ZNF786: variants seen among roughly 807,000 people sequenced by gnomAD.
The protein encoded by ZNF786 is zinc finger protein 786.
In ZNF786, 56 loss-of-function variants were observed where a neutral mutation model predicts 63.1. The ratio of observed to expected loss-of-function variants is 0.89; its 90% CI spans 0.72 to 1.11. ZNF786 has a LOEUF of 1.11. Ranked by LOEUF, ZNF786 falls within the 50% of genes least tolerant of loss-of-function variation. ZNF786 has a pLI of 0.00. For synonymous variants in ZNF786, 485 were observed against 406.9 expected, an observed-to-expected ratio of 1.19 and a Z score of -2.31; for missense variants, 1,213 against 1,041.8, an observed-to-expected ratio of 1.16 and a Z score of -2.26.
chr7:149,073,769 A>G (rs1365003724), intron 3 of ZNF786, among the ~76,000 whole-genome samples: 4 of 112,820 alleles, frequency 3.5e-5, no homozygotes, highest in Non-Finnish European at 7.2e-5. Context: ...ATATATATAT[A>G]TATATATATA....
intron 2 of ZNF786, among the ~76,000 whole-genome samples, chr7:149,075,924 A>G (rs1825540061): frequency 6.6e-6 from 1 of 151,606 alleles, no homozygotes. Context: ...CAGCCTCCGA[A>G]AGTGCTGGGA....
rs374600734 is a variant in ZNF786 at position 149,072,331 on chromosome 7, C to G, written c.441G>C (p.Arg147Ser). 1.2e-6 allele frequency: 2 copies of G among 1,613,718 alleles called. No individual in the cohort carries two copies. The highest frequency in any genetic ancestry group is 1.7e-6 in the Non-Finnish European group (2 of 1,179,800). Reference protein sequence around the residue: ...TLGSPQRHDARAPPPLACGPS... With the variant: ...TLGSPQRHDASAPPPLACGPS... ...GGCCGCAGGCTAGTGGTGGAGGAGCCCTGGCGTCGTGTCTCTGTGGGCTCC... is the reference window on the plus strand; with the variant it reads ...GGCCGCAGGCTAGTGGTGGAGGAGCGCTGGCGTCGTGTCTCTGTGGGCTCC... The change falls in exon 4 of 4, where the codon AGG becomes AGC. Residue 147 changes from arginine to serine, a missense_variant. Coordinates refer to ENST00000491431, the MANE Select transcript of ZNF786 (RefSeq NM_152411.4).
chr7:149,079,631 C>T (rs1163595740), intron 2 of ZNF786, among the ~76,000 whole-genome samples: 2 of 135,568 alleles, frequency 1.5e-5, no homozygotes, highest in East Asian at 2.3e-4. Flanking sequence ...AGTGCAGTGG[C>T]GTGATCTCAG....
intron 1 of ZNF786, chr7:149,082,403 G>T: frequency 3.5e-6 from 1 of 283,316 alleles, no homozygotes; most frequent in Non-Finnish European, 5.3e-6. Flanking sequence ...GTTTATTACA[G>T]TTGACTTAGA....
chr7:149,070,402 C>T lies in ZNF786; in HGVS notation c.*21G>A, dbSNP rs1225045346. On this transcript the variant is annotated 3_prime_UTR_variant, in exon 4 of 4. Coordinates refer to ENST00000491431, the MANE Select transcript of ZNF786 (RefSeq NM_152411.4). ...TGGGCAATACCAATCCTGCTCAACG[C>T]TTTGGATGTCCCACTCTGCCTCAAC... 8 of 1,607,330 alleles carry T rather than the reference C, an allele frequency of 5.0e-6. No homozygotes were observed. Among genetic ancestry groups the T allele is most frequent in the Non-Finnish European group, 6.0e-6 (7 of 1,175,550 alleles).
chr7:149,090,422 G>A (rs1477797919), intron 1 of ZNF786, among the ~76,000 whole-genome samples: 1 of 152,220 alleles, frequency 6.6e-6, no homozygotes, highest in African/African-American at 2.4e-5. Context: ...CAGGGGTTTG[G>A]CCACGGACAA....
chr7:149,074,678 G>A (rs201818996), intron 2 of ZNF786, 140 bp from the exon 3 acceptor site: 1 of 983,666 alleles, frequency 1.0e-6, no homozygotes, highest in Non-Finnish European at 1.4e-6. Context: ...ACACAAAGAT[G>A]AAAAAACCGC....
At chr7:149,077,683 G>A (rs928299146) in intron 2 of ZNF786, among the ~76,000 whole-genome samples, 7 of 151,968 alleles carry the variant, frequency 4.6e-5, no homozygotes, top group Non-Finnish European at 1.5e-5. Context: ...GCCGGCCACA[G>A]TGGCTCACGA....
intron 3 of ZNF786, among the ~76,000 whole-genome samples, chr7:149,072,852 A>C (rs1360505177): frequency 6.6e-6 from 1 of 152,218 alleles, no homozygotes; most frequent in East Asian, 1.9e-4. Context: ...TTACTGTGAG[A>C]ATTAAATGAG....
rs569224232 is a variant in ZNF786, at chr7:149,072,186, A to G, written c.586T>C (p.Cys196Arg). Residue 196 changes from cysteine (C) to arginine (R), a missense_variant, in exon 4 of 4, where the codon TGT becomes CGT. Coordinates refer to ENST00000491431, the MANE Select transcript of ZNF786 (RefSeq NM_152411.4). The stretch of plus-strand genomic sequence containing the variant: ...ATTACTAAATGGTTGTTCTCCCAAC[A>G]GCTTTCCCCGCAGACAGGCCAAGGG... ...QHPWPVCGES[C>R]WENNHLVMHQ... The G allele has an allele frequency of 1.3e-5, 21 of 1,613,482 alleles. No homozygotes were observed. The African/African-American group carries it at 2.0e-4, about 15-fold the overall frequency.
chr7:149,090,007 G>C (rs1205108472), intron 1 of ZNF786, among the ~76,000 whole-genome samples: 1 of 152,180 alleles, frequency 6.6e-6, no homozygotes, highest in African/African-American at 2.4e-5. Context: ...GAGCCACCGC[G>C]CCCGGCCTAA....
chr7:149,085,372 C>T (rs144128662), intron 1 of ZNF786, among the ~76,000 whole-genome samples: 13 of 152,304 alleles, frequency 8.5e-5, no homozygotes, highest in Non-Finnish European at 1.8e-4. Flanking sequence ...AGTTTGAGAA[C>T]AGTCTGGGCC....
At chr7:149,082,220 G>A (rs985106703) in intron 1 of ZNF786, among the ~76,000 whole-genome samples, 2 of 152,156 alleles carry the variant, frequency 1.3e-5, no homozygotes, top group Non-Finnish European at 2.9e-5. Flanking sequence ...CCCCTTCGCT[G>A]TCTCTCCTGC....
chr7:149,085,157 GTTTTC>G (rs759684413), intron 1 of ZNF786, among the ~76,000 whole-genome samples: 12 of 152,124 alleles, frequency 7.9e-5, no homozygotes, highest in Non-Finnish European at 1.5e-4. Flanking sequence ...CTATATGTCT[GTTTTC>G]TTACCAGTAC....
At position 149,071,941 on chromosome 7, in the gene ZNF786, G is replaced by A; in HGVS notation, c.831C>T (p.Phe277=). The A allele has an allele frequency of 2.5e-6, 4 of 1,610,852 alleles. No individual in the cohort carries two copies. Among genetic ancestry groups the A allele is most frequent in the Non-Finnish European group, 3.4e-6 (4 of 1,179,500 alleles). The change falls in exon 4 of 4, where the codon TTC becomes TTT. Residue 277 remains phenylalanine, a synonymous_variant. Transcript: ENST00000491431. ...PFRNADGEMC[F]RHELTHPSHR... Reference sequence around the variant, plus strand: ...GGCTGGGATGGGTCAGCTCGTGTCGGAAGCACATTTCACCGTCAGCGTTCC... The same window carrying A: ...GGCTGGGATGGGTCAGCTCGTGTCGAAAGCACATTTCACCGTCAGCGTTCC...
rs771011141 is a variant in ZNF786 at position 149,090,678 on chromosome 7, C to T, written c.-38G>A. The T allele has an allele frequency of 1.3e-6, 2 of 1,569,256 alleles. No homozygotes were observed. Among genetic ancestry groups the T allele is most frequent in the South Asian group, 1.2e-5 (1 of 85,884 alleles). ...CCCGCCCGGCCCTGGCAAACCCGAC[C>T]GTCTCCGGCGGCTCCGCAGGAACCT... On this transcript the variant is annotated 5_prime_UTR_variant, in exon 1 of 4. Transcript: ENST00000491431.
chr7:149,071,584 G>A lies in ZNF786; in HGVS notation c.1188C>T (p.Pro396=), dbSNP rs1391351244. The A allele has an allele frequency of 6.2e-7, 1 of 1,610,422 alleles. No individual in the cohort carries two copies. Among genetic ancestry groups the A allele is most frequent in the Admixed American group, 1.7e-5 (1 of 59,570 alleles). The change falls in exon 4 of 4, where the codon CCC becomes CCT. Residue 396 remains proline (P), a synonymous_variant. Transcript: ENST00000491431. ...SPCRAHTGEK[P]FQCAHCTKRF... ...GCTTGGTGCAATGCGCACACTGGAA[G>A]GGCTTTTCTCCAGTATGCGCCCTGC...
Position 149,070,949 on chromosome 7 carries a change from A to T in ZNF786, c.1823T>A (p.Leu608Gln), listed in dbSNP as rs199965509. Residue 608 changes from leucine to glutamine, a missense_variant, in exon 4 of 4, where the codon CTG becomes CAG. Coordinates refer to ENST00000491431, the MANE Select transcript of ZNF786 (RefSeq NM_152411.4). ...CNRSFRLKGQ[L>Q]LSHQRLHTGE... ...CGTGTGCAGGCGCTGATGGCTGAGCAGCTGCCCCTTCAGGCGGAAGCTCCT... is the reference window on the plus strand; with the variant it reads ...CGTGTGCAGGCGCTGATGGCTGAGCTGCTGCCCCTTCAGGCGGAAGCTCCT... 1,244 of 1,613,646 alleles carry T rather than the reference A, an allele frequency of 7.7e-4. No individual in the cohort carries two copies. Among genetic ancestry groups the T allele is most frequent in the Non-Finnish European group, 9.4e-4 (1,109 of 1,179,992 alleles).
chr7:149,081,913 G>A (rs1825659208), intron 1 of ZNF786, among the ~76,000 whole-genome samples: 1 of 152,066 alleles, frequency 6.6e-6, no homozygotes, highest in African/African-American at 2.4e-5. Flanking sequence ...AAAGTCTCAG[G>A]TAACAAAATT....
Sources: allele counts gnomAD v4.1 joint callset (sites outside exome capture counted in the v4.1 genomes callset), GRCh38; gene constraint gnomAD v4.1.1; transcripts MANE v1.5; gene names NCBI Gene and HGNC (gene_info 2026-07-23, HGNC 2026-07-21).